The following NETO1 variants were observed in gnomAD, a reference collection of about 807,000 sequenced individuals.
NETO1 encodes neuropilin and tolloid like 1, also known as neuropilin and tolloid-like protein 1.
In NETO1, 26 loss-of-function variants were observed where a neutral mutation model predicts 61.3. The observed-to-expected ratio is 0.42, with a 90% CI of 0.31 to 0.59. The LOEUF is 0.59. NETO1 is among the 20% of genes least tolerant of loss of function. The probability of loss-of-function intolerance (pLI) is 0.12; values close to 1 mark genes in which losing one functional copy is unlikely to be tolerated. For missense variants in NETO1, 531 were observed against 662.8 expected (o/e 0.80, Z 2.18); for synonymous variants, 225 against 225.8 (o/e 1.00, Z 0.03).
At chr18:72,751,903 C>G (rs542933662) in intron 8 of NETO1, 1 of 152,146 alleles carries the variant, frequency 6.6e-6, no homozygotes, top group South Asian at 2.1e-4. Context: ...ATTTCAAAAA[C>G]TATGGAGATT....
At chr18:72,846,347 A>T (rs1419306620) in intron 4 of NETO1, among the ~76,000 whole-genome samples, 1 of 151,644 alleles carries the variant, frequency 6.6e-6, no homozygotes, top group East Asian at 2.0e-4. Flanking sequence ...TACTAAAAAA[A>T]TTAAAAAATT....
chr18:72,866,661 C>A, intron 1 of NETO1: 1 of 952,744 alleles, frequency 1.0e-6, no homozygotes, highest in Non-Finnish European at 1.2e-6. Context: ...CACACATTTT[C>A]TTATACTGCC....
intron 4 of NETO1, among the ~76,000 whole-genome samples, chr18:72,815,652 T>C (rs1263983298): frequency 1.3e-5 from 2 of 152,212 alleles, no homozygotes; most frequent in Non-Finnish European, 2.9e-5. Flanking sequence ...ACTGACGACA[T>C]CGAGTTTCAC....
intron 4 of NETO1, among the ~76,000 whole-genome samples, chr18:72,814,262 TGAG>T (rs1353077685): frequency 2.0e-5 from 3 of 152,134 alleles, no homozygotes; most frequent in African/African-American, 7.2e-5. Flanking sequence ...AGATAAATCA[TGAG>T]ACAGTAATGT....
At chr18:72,854,939 G>A (rs963349517) in intron 4 of NETO1, among the ~76,000 whole-genome samples, 11 of 151,984 alleles carry the variant, frequency 7.2e-5, no homozygotes, top group Middle Eastern at 3.4e-3. Context: ...TGAGGTAACC[G>A]TTATTGTTTT....
chr18:72,807,751 CA>C (rs1887731824), intron 4 of NETO1, among the ~76,000 whole-genome samples: 1 of 23,194 alleles, frequency 4.3e-5, no homozygotes, highest in African/African-American at 5.2e-5. Context: ...CACACACACA[CA>C]CACCCATACT....
At chr18:72,748,938 C>A in intron 10 of NETO1, 76 bp downstream of exon 10, 1 of 877,374 alleles carries the variant, frequency 1.1e-6, no homozygotes, top group South Asian at 1.4e-5. Context: ...TAGCACATTC[C>A]CTAAAAAACT....
intron 4 of NETO1, among the ~76,000 whole-genome samples, chr18:72,836,840 ACAT>A (rs1323180387): frequency 6.6e-6 from 1 of 152,164 alleles, no homozygotes; most frequent in Non-Finnish European, 1.5e-5. Context: ...TAACTCTGCT[ACAT>A]CAATAGAAAA....
At chr18:72,857,261 G>T (rs931496505) in intron 4 of NETO1, among the ~76,000 whole-genome samples, 25 of 152,268 alleles carry the variant, frequency 1.6e-4, no homozygotes, top group Admixed American at 8.5e-4. Context: ...TCAGTTGTTC[G>T]CAGCAGTGAA....
rs111610115 is a variant in NETO1 at position 72,757,775 on chromosome 18, G to A, written c.869-1628C>T. 9.1e-3 allele frequency among the ~76,000 whole-genome samples: 1,379 copies of A among 152,212 alleles called. 16 individuals carry two copies. The highest frequency in any genetic ancestry group is 0.031 in the African/African-American group (1,299 of 41,520). ...AAGCAACTAAATTTGAATTTCTGTA[G>A]CTGACTATAATGGCTTTTGCAGAAT... On this transcript the variant is annotated intron_variant, in intron 7 of 10. Coordinates refer to ENST00000327305, the MANE Select transcript of NETO1 (RefSeq NM_138966.5).
rs542642620 is a variant in NETO1 at position 72,795,475 on chromosome 18, C to T, written c.470-1071G>A. ...TTATCTTATTTGATGCACATATATT[C>T]CTATTTTTAAAAAATTCTGAATTTT... is the stretch of plus-strand genomic sequence containing the variant. On this transcript the variant is annotated intron_variant, in intron 4 of 10. Transcript: ENST00000327305. 2.6e-5 allele frequency among the ~76,000 whole-genome samples: 4 copies of T among 152,112 alleles called. No individual in the cohort carries two copies. In the South Asian group the frequency reaches 8.3e-4, roughly 32 times the overall value.
chr18:72,865,043 A>G, intron 2 of NETO1, 98 bp from the exon 3 acceptor site: 1 of 1,446,978 alleles, frequency 6.9e-7, no homozygotes, highest in Non-Finnish European at 9.4e-7. Flanking sequence ...TAGTAAATTA[A>G]TTTTTAAATG....
intron 4 of NETO1, among the ~76,000 whole-genome samples, chr18:72,829,755 T>C (rs1197198886): frequency 5.9e-5 from 9 of 152,132 alleles, no homozygotes; most frequent in African/African-American, 1.9e-4. Flanking sequence ...ACCTCTTAAA[T>C]GGAGGGAGTA....
intron 3 of NETO1, among the ~76,000 whole-genome samples, chr18:72,863,936 T>C (rs915083427): frequency 6.6e-6 from 1 of 152,104 alleles, no homozygotes; most frequent in Admixed American, 6.5e-5. Context: ...GAGAGAGGTG[T>C]TGGCCGGGAG....
chr18:72,814,810 A>G (rs2072979130), intron 4 of NETO1, among the ~76,000 whole-genome samples: 2 of 152,090 alleles, frequency 1.3e-5, no homozygotes. Context: ...GAGAGATACA[A>G]GAATTTTAAA....
chr18:72,865,518 C>T (rs1021785570), intron 1 of NETO1: 8 of 1,573,990 alleles, frequency 5.1e-6, no homozygotes, highest in African/African-American at 1.3e-5. Flanking sequence ...TGTCAATTTA[C>T]TCATGTCACA....
chr18:72,812,872 C>T (rs778719651), intron 4 of NETO1, among the ~76,000 whole-genome samples: 3 of 152,190 alleles, frequency 2.0e-5, no homozygotes, highest in Admixed American at 1.3e-4. Context: ...CCTCTCATCA[C>T]CATAACATAT....
intron 4 of NETO1, among the ~76,000 whole-genome samples, chr18:72,845,662 A>T (rs1190014865): frequency 6.6e-6 from 1 of 152,212 alleles, no homozygotes; most frequent in African/African-American, 2.4e-5. Flanking sequence ...GCCTCAAATG[A>T]TTAGTAATAT....
chr18:72,749,432 T>G (rs1039308454), intron 9 of NETO1, among the ~76,000 whole-genome samples: 2 of 152,158 alleles, frequency 1.3e-5, no homozygotes, highest in African/African-American at 4.8e-5. Flanking sequence ...CAGATAATAT[T>G]GCATTTATAG....
Sources: gnomAD v4.1 joint callset for allele counts (sites outside exome capture counted in the v4.1 genomes callset) on GRCh38, gnomAD v4.1.1 for gene constraint, MANE v1.5 for transcripts, NCBI Gene and HGNC (gene_info 2026-07-23, HGNC 2026-07-21) for gene names.